The following CDK8 variants were observed in gnomAD, a reference collection of about 807,000 sequenced individuals.
CDK8 encodes cyclin-dependent kinase 8.
Under a neutral mutation model 71.5 loss-of-function variants are expected in CDK8, and 29 were observed. The ratio of observed to expected loss-of-function variants is 0.41; its 90% CI spans 0.30 to 0.55. The LOEUF (loss-of-function observed/expected upper bound fraction) is 0.55. CDK8 is among the 20% of genes least tolerant of loss of function. The pLI, the probability that CDK8 is intolerant of heterozygous loss-of-function variation, is 0.37. For synonymous variants in CDK8, 161 were observed against 192.1 expected (o/e 0.84, Z 1.34); for missense variants, 288 against 572.6 (o/e 0.50, Z 5.07).
intron 6 of CDK8, among the ~76,000 whole-genome samples, chr13:26,387,182 T>G (rs1315471888): frequency 6.6e-6 from 1 of 152,236 alleles, no homozygotes; most frequent in Non-Finnish European, 1.5e-5. Context: ...AAAAGCCTAC[T>G]ATCTGTGAAG....
Position 26,273,215 on chromosome 13 carries a change from T to C in CDK8, c.128+18446T>C, listed in dbSNP as rs144654637. On this transcript the variant is annotated intron_variant, in intron 1 of 12. Transcript: ENST00000381527. ...TTGTTAAAAATCAGTTGGCCATAAA[T>C]ATAGGATATTTTTCTGGTCTCTCAA... is the stretch of plus-strand genomic sequence containing the variant. Among the ~76,000 whole-genome samples the C allele has an allele frequency of 2.7e-3, 405 of 152,336 alleles. 2 individuals carry two copies. Among genetic ancestry groups the C allele is most frequent in the African/African-American group, 9.4e-3 (392 of 41,574 alleles).
intron 1 of CDK8, among the ~76,000 whole-genome samples, chr13:26,286,982 A>G (rs1873053590): frequency 6.6e-6 from 1 of 152,236 alleles, no homozygotes; most frequent in South Asian, 2.1e-4. Context: ...AATGGCCGTA[A>G]TTTAAAAAAT....
In CDK8 at chr13:26,254,345, G is replaced by T. The variant is rs1157496156; in HGVS notation, c.-297G>T. On this transcript the variant is annotated 5_prime_UTR_variant, in exon 1 of 13. Coordinates refer to ENST00000381527, the MANE Select transcript of CDK8 (RefSeq NM_001260.3). This position sits in a 1 kb window ranked among gnomAD's most constrained non-coding sequence, Gnocchi z 6.7. ...GAGCCGGCGCCCAGGGAGCCCGCGG[G>T]GACAAGGGCAGAGACACCGCTCCCC... 2 of 271,938 alleles carry T rather than the reference G, an allele frequency of 7.4e-6. No individual in the cohort carries two copies. The highest frequency in any genetic ancestry group is 1.4e-5 in the Non-Finnish European group (2 of 141,724). The allele number at this position is 271,938 out of a possible 1,614,324, so 16.8% of individuals were successfully genotyped here. A position where few individuals can be genotyped will look rare whatever the true frequency, so the allele number is the denominator to read the frequency against.
intron 4 of CDK8, among the ~76,000 whole-genome samples, chr13:26,360,891 C>G (rs929117528): frequency 2.6e-5 from 4 of 152,198 alleles, no homozygotes; most frequent in Non-Finnish European, 5.9e-5. Context: ...CATCCGTCTG[C>G]ATTTTAAATC....
At chr13:26,319,871 A>C (rs1874689831) in intron 1 of CDK8, among the ~76,000 whole-genome samples, 1 of 152,156 alleles carries the variant, frequency 6.6e-6, no homozygotes, top group Non-Finnish European at 1.5e-5. Flanking sequence ...TAAAGTCAGA[A>C]ATGTGGATCA....
At chr13:26,258,033 GTTT>G (rs941293664) in intron 1 of CDK8, among the ~76,000 whole-genome samples, 1 of 152,024 alleles carries the variant, frequency 6.6e-6, no homozygotes, top group Non-Finnish European at 1.5e-5. Flanking sequence ...GAGTAATTAA[GTTT>G]CAGGTCCTGG....
At chr13:26,320,346 C>T (rs559670436) in intron 1 of CDK8, among the ~76,000 whole-genome samples, 12 of 151,898 alleles carry the variant, frequency 7.9e-5, no homozygotes, top group South Asian at 6.3e-4. Flanking sequence ...AGTAATTCAG[C>T]GCAGCAGTGA....
At chr13:26,298,135 C>G (rs945059854) in intron 1 of CDK8, among the ~76,000 whole-genome samples, 5 of 152,142 alleles carry the variant, frequency 3.3e-5, no homozygotes, top group Non-Finnish European at 7.4e-5. Flanking sequence ...GATTTCAGCA[C>G]ATTAATTTTG....
intron 1 of CDK8, among the ~76,000 whole-genome samples, chr13:26,263,958 A>G (rs1373480502): frequency 1.3e-5 from 2 of 148,204 alleles, no homozygotes; most frequent in African/African-American, 2.5e-5. Flanking sequence ...CGTGTTAGCC[A>G]GGATGGTCTT....
At chr13:26,348,928 C>G (rs1328102993) in intron 2 of CDK8, 144 bp from the exon 3 acceptor site, 2 of 661,036 alleles carry the variant, frequency 3.0e-6, no homozygotes, top group Non-Finnish European at 5.4e-6. Flanking sequence ...ACTGAAGTAT[C>G]CGTCTCAGAA....
At chr13:26,339,803 A>T (rs1297458741) in intron 2 of CDK8, among the ~76,000 whole-genome samples, 1 of 146,878 alleles carries the variant, frequency 6.8e-6, no homozygotes, top group Non-Finnish European at 1.5e-5. Flanking sequence ...ATATTTCTGA[A>T]CTCACTGGTA....
At chr13:26,260,878 A>G (rs1205933910) in intron 1 of CDK8, among the ~76,000 whole-genome samples, 2 of 152,144 alleles carry the variant, frequency 1.3e-5, no homozygotes, top group Non-Finnish European at 2.9e-5. Context: ...ACTGGTGTTA[A>G]TCTTTCTTGT....
chr13:26,333,249 TC>T (rs1387699787), intron 1 of CDK8, among the ~76,000 whole-genome samples: 1 of 151,886 alleles, frequency 6.6e-6, no homozygotes, highest in Non-Finnish European at 1.5e-5. Flanking sequence ...AAGCAATTCT[TC>T]TACCTCAGCT....
chr13:26,322,819 A>G (rs942856886), intron 1 of CDK8, among the ~76,000 whole-genome samples: 32 of 152,162 alleles, frequency 2.1e-4, no homozygotes, highest in African/African-American at 7.2e-4. Context: ...AGGTCTTGTT[A>G]ATTTTATTGT....
chr13:26,352,404 G>T (rs190788833), intron 3 of CDK8, among the ~76,000 whole-genome samples: 72 of 152,176 alleles, frequency 4.7e-4, no homozygotes, highest in African/African-American at 1.5e-3. Context: ...TTTTAGTAGA[G>T]ACGGGGTTTC....
In CDK8 at chr13:26,254,631, A is replaced by G; in HGVS notation, c.-11A>G. On this transcript the variant is annotated 5_prime_UTR_variant, in exon 1 of 13. Transcript: ENST00000381527. This position sits in a 1 kb window ranked among gnomAD's most constrained non-coding sequence, Gnocchi z 6.7. ...CCCCGACCCAGCTCTCCGGCCTCAG[A>G]GGCTGTGACAATGGACTATGACTTT... The G allele has an allele frequency of 6.3e-7, 1 of 1,577,740 alleles. No individual in the cohort carries two copies. Among genetic ancestry groups the G allele is most frequent in the Non-Finnish European group, 8.6e-7 (1 of 1,159,230 alleles).
At chr13:26,359,285 G>A (rs189608309) in intron 4 of CDK8, among the ~76,000 whole-genome samples, 63 of 152,276 alleles carry the variant, frequency 4.1e-4, no homozygotes, top group Non-Finnish European at 6.8e-4. Context: ...GGAGATGTAC[G>A]GTGGTTGCAC....
At chr13:26,354,991 T>A (rs1439800857) in intron 4 of CDK8, among the ~76,000 whole-genome samples, 2 of 152,174 alleles carry the variant, frequency 1.3e-5, no homozygotes, top group African/African-American at 4.8e-5. Context: ...ATGCTAAAAG[T>A]GATTATTTTG....
In CDK8 at chr13:26,254,767, T is replaced by C; in HGVS notation, c.126T>C (p.Asp42=). 3.7e-6 allele frequency: 6 copies of C among 1,611,650 alleles called. No individual in the cohort carries two copies. In the South Asian group the frequency reaches 6.6e-5, roughly 18 times the overall value. The part of the protein sequence containing the change: ...YGHVYKAKRK[D]GKDDKDYALK... ...ACGTCTACAAAGCCAAGAGGAAAGA[T>C]GGGTGAGTGTGTGTGTCTGGGCCGG... The change falls in exon 1 of 13, where the codon GAT becomes GAC. Residue 42 remains aspartate (D), a splice_region_variant and synonymous_variant. Coordinates refer to ENST00000381527, the MANE Select transcript of CDK8 (RefSeq NM_001260.3). This position sits in a 1 kb window ranked among gnomAD's most constrained non-coding sequence, Gnocchi z 6.7.
Sources: gnomAD v4.1 joint callset for allele counts (sites outside exome capture counted in the v4.1 genomes callset) on GRCh38, gnomAD v4.1.1 for gene constraint, Gnocchi (gnomAD v3.1) non-coding constraint, MANE v1.5 for transcripts, NCBI Gene and HGNC (gene_info 2026-07-23, HGNC 2026-07-21) for gene names.